Variants in TWIST2 observed in about 807,000 individuals in gnomAD.
TWIST2 encodes the protein twist-related protein 2.
Under a neutral mutation model 11.6 loss-of-function variants are expected in TWIST2, and 1 was observed. That is an observed-to-expected ratio of 0.09 (90% CI 0.03 to 0.41). The LOEUF is 0.41. Ranked by LOEUF, TWIST2 falls within the 10% of genes least tolerant of loss-of-function variation. The pLI is 0.98. For missense variants in TWIST2, 168 were observed against 226.4 expected (o/e 0.74, Z 1.66); for synonymous variants, 87 against 96.6 (o/e 0.90, Z 0.58).
intron 1 of TWIST2, among the ~76,000 whole-genome samples, chr2:238,893,274 G>A (rs1376994120): frequency 6.6e-6 from 1 of 151,616 alleles, no homozygotes; most frequent in Non-Finnish European, 1.5e-5. Context: ...TTTAAGTAGA[G>A]TTACTCTTGT....
At chr2:238,851,868 CT>C (rs1360756758) in intron 1 of TWIST2, among the ~76,000 whole-genome samples, 1 of 152,196 alleles carries the variant, frequency 6.6e-6, no homozygotes, top group Admixed American at 6.5e-5. Context: ...GGGATTTGAC[CT>C]GTTAATGTGG....
intron 1 of TWIST2, among the ~76,000 whole-genome samples, chr2:238,856,873 C>T (rs929426941): frequency 2.0e-5 from 3 of 152,140 alleles, no homozygotes; most frequent in East Asian, 1.9e-4. Flanking sequence ...CGAGGGAGGC[C>T]GCTGCAGACA....
At chr2:238,888,134 A>T (rs1693074226) in intron 1 of TWIST2, among the ~76,000 whole-genome samples, 1 of 152,208 alleles carries the variant, frequency 6.6e-6, no homozygotes. Flanking sequence ...TTATTTACTA[A>T]ATGTGGCTCT....
At chr2:238,887,485 A>G (rs1693061550) in intron 1 of TWIST2, among the ~76,000 whole-genome samples, 2 of 152,050 alleles carry the variant, frequency 1.3e-5, no homozygotes, top group Admixed American at 1.3e-4. Flanking sequence ...GCCATCTACA[A>G]ATTACTTTTT....
At chr2:238,860,132 C>G (rs770689539) in intron 1 of TWIST2, among the ~76,000 whole-genome samples, 1 of 152,138 alleles carries the variant, frequency 6.6e-6, no homozygotes, top group Non-Finnish European at 1.5e-5. Flanking sequence ...CTCGGTGGAC[C>G]GCTTCAGGCT....
chr2:238,859,081 G>A (rs1043890120), intron 1 of TWIST2, among the ~76,000 whole-genome samples: 2 of 151,904 alleles, frequency 1.3e-5, no homozygotes, highest in African/African-American at 4.8e-5. Context: ...GTGTGGTGGC[G>A]GGCGCTTATA....
At chr2:238,894,726 A>T (rs1693187846) in intron 1 of TWIST2, among the ~76,000 whole-genome samples, 1 of 150,518 alleles carries the variant, frequency 6.6e-6, no homozygotes, top group Admixed American at 6.6e-5. Context: ...GCCTGTGCCC[A>T]CGAGGCCCTT....
At chr2:238,883,302 C>T (rs1047133018) in intron 1 of TWIST2, among the ~76,000 whole-genome samples, 15 of 152,192 alleles carry the variant, frequency 9.9e-5, no homozygotes, top group Non-Finnish European at 1.3e-4. Context: ...CCACGAACAC[C>T]GTGGGAGCCA....
intron 1 of TWIST2, among the ~76,000 whole-genome samples, chr2:238,869,541 C>G (rs1692608236): frequency 6.6e-6 from 1 of 152,086 alleles, no homozygotes; most frequent in Non-Finnish European, 1.5e-5. Flanking sequence ...AGGCAAAGGC[C>G]TTAAATAGGC....
chr2:238,891,547 A>C (rs1473152864), intron 1 of TWIST2, among the ~76,000 whole-genome samples: 2 of 151,970 alleles, frequency 1.3e-5, no homozygotes, highest in African/African-American at 4.8e-5. Flanking sequence ...GGAGGGTGAG[A>C]GGACGGTCTG....
At chr2:238,865,180 C>T (rs961857164) in intron 1 of TWIST2, among the ~76,000 whole-genome samples, 2 of 152,146 alleles carry the variant, frequency 1.3e-5, no homozygotes, top group African/African-American at 2.4e-5. Context: ...GAGGGACCTA[C>T]GTAACTCCTC....
chr2:238,876,411 G>A (rs1692806527), intron 1 of TWIST2, among the ~76,000 whole-genome samples: 2 of 152,174 alleles, frequency 1.3e-5, no homozygotes, highest in Admixed American at 6.5e-5. Context: ...TGCTTTCTAG[G>A]ACTGTCCACT....
intron 1 of TWIST2, among the ~76,000 whole-genome samples, chr2:238,873,782 C>T (rs1306267811): frequency 2.0e-5 from 3 of 152,118 alleles, no homozygotes; most frequent in African/African-American, 7.2e-5. Flanking sequence ...GGGTACGTTC[C>T]GGAACATCTC....
At chr2:238,886,148 A>G (rs1693032156) in intron 1 of TWIST2, among the ~76,000 whole-genome samples, 1 of 151,952 alleles carries the variant, frequency 6.6e-6, no homozygotes, top group Admixed American at 6.6e-5. Context: ...TAAGATATAA[A>G]ATGCACCGTG....
chr2:238,894,446 G>A (rs1035004724), intron 1 of TWIST2, among the ~76,000 whole-genome samples: 28 of 152,276 alleles, frequency 1.8e-4, no homozygotes, highest in Middle Eastern at 3.4e-3. Context: ...GCCCCTTGCC[G>A]CCTGCACAGC....
chr2:238,864,402 GGAGCAGGAGTGACTCA>G lies in TWIST2; in HGVS notation c.*35+15674_*35+15689del, dbSNP rs1254018715. 6.6e-6 allele frequency among the ~76,000 whole-genome samples: 1 copy of G among 152,248 alleles called. No homozygotes were observed. The highest frequency in any genetic ancestry group is 1.5e-5 in the Non-Finnish European group (1 of 68,034). On this transcript the variant is annotated intron_variant, in intron 1 of 1. Transcript: ENST00000612363. The surrounding 1 kb of genome is among the most constrained non-coding windows in gnomAD (Gnocchi z 4.7). ...CTCCTGCATGAATCAGAGCCGACTG[GGAGCAGGAGTGACTCA>G]GAGCCGTGGCTTTTTGTCCTCTGGC...
At chr2:238,888,978 G>A (rs551152886) in intron 1 of TWIST2, among the ~76,000 whole-genome samples, 22 of 152,258 alleles carry the variant, frequency 1.4e-4, no homozygotes, top group African/African-American at 4.6e-4. Context: ...TCTTTGACAC[G>A]CAAATGGTTG....
At chr2:238,905,898 T>C (rs1335007640) in intron 1 of TWIST2, among the ~76,000 whole-genome samples, 9,655 of 122,810 alleles carry the variant, frequency 0.079, 530 homozygotes, top group African/African-American at 0.19. Flanking sequence ...CGCATGCGCG[T>C]GTGTGCGTGT....
chr2:238,894,380 C>T (rs1238006999), intron 1 of TWIST2, among the ~76,000 whole-genome samples: 1 of 152,088 alleles, frequency 6.6e-6, no homozygotes, highest in Non-Finnish European at 1.5e-5. Context: ...CAAGCTGGGC[C>T]CCTGAGCGGC....
Sources: gnomAD v4.1 joint callset for allele counts (sites outside exome capture counted in the v4.1 genomes callset) on GRCh38, gnomAD v4.1.1 for gene constraint, Gnocchi (gnomAD v3.1) non-coding constraint, MANE v1.5 for transcripts, NCBI Gene and HGNC (gene_info 2026-07-23, HGNC 2026-07-21) for gene names.